TCAIM: variants seen among roughly 807,000 people sequenced by gnomAD.
The protein encoded by TCAIM is T-cell activation inhibitor, mitochondrial.
TCAIM carries 36 observed loss-of-function variants against 58.6 expected under a neutral mutation model. The ratio of observed to expected loss-of-function variants is 0.61; its 90% CI spans 0.47 to 0.81. The LOEUF (loss-of-function observed/expected upper bound fraction) is 0.81, where lower values mean the gene tolerates loss of function less well. Ranked by LOEUF, TCAIM falls within the 30% of genes least tolerant of loss-of-function variation. The pLI, the probability that TCAIM is intolerant of heterozygous loss-of-function variation, is 0.00. For synonymous variants in TCAIM, 172 were observed against 193.6 expected (o/e 0.89, Z 0.93); for missense variants, 466 against 579.6 (o/e 0.80, Z 2.01).
intron 3 of TCAIM, 48 bp from the exon 4 acceptor site, chr3:44,361,317 T>C: frequency 6.8e-7 from 1 of 1,481,082 alleles, no homozygotes; most frequent in Non-Finnish European, 9.1e-7. Context: ...ATTTCTGATA[T>C]TTCCTTGTTC....
Position 44,367,633 on chromosome 3 carries a change from CTT to C in TCAIM, c.498_499del (p.Tyr167LeufsTer10), listed in dbSNP as rs1255266264. The C allele has an allele frequency of 6.2e-7, 1 of 1,614,118 alleles. No individual in the cohort carries two copies. Among genetic ancestry groups the C allele is most frequent in the Non-Finnish European group, 8.5e-7 (1 of 1,180,014 alleles). ...GACAGGCCCATCAAATGGGACAAGT[CTT>C]ATTACTCCTTTACTGGATTCAAGGA... is the stretch of plus-strand genomic sequence containing the variant. On this transcript the variant is annotated frameshift_variant, in exon 5 of 11. Coordinates refer to ENST00000342649, the MANE Select transcript of TCAIM (RefSeq NM_173826.4). LOFTEE classifies it high-confidence loss of function.
At chr3:44,365,012 A>G (rs889412999) in intron 4 of TCAIM, among the ~76,000 whole-genome samples, 27 of 152,170 alleles carry the variant, frequency 1.8e-4, no homozygotes, top group South Asian at 1.0e-3. Flanking sequence ...GGTACAGGCA[A>G]TCCTCACTAT....
chr3:44,350,147 G>T (rs1033451494), intron 1 of TCAIM, among the ~76,000 whole-genome samples: 2 of 152,152 alleles, frequency 1.3e-5, no homozygotes, highest in African/African-American at 4.8e-5. Flanking sequence ...GGAGTTAGGG[G>T]TGGGGCAGTT....
intron 5 of TCAIM, among the ~76,000 whole-genome samples, chr3:44,388,524 A>G (rs1171496745): frequency 6.6e-6 from 1 of 152,190 alleles, no homozygotes; most frequent in African/African-American, 2.4e-5. Flanking sequence ...TGTTATGTTT[A>G]TGTAACCCAT....
intron 1 of TCAIM, chr3:44,341,018 A>AT (rs1037284677): frequency 6.6e-6 from 1 of 152,086 alleles, no homozygotes; most frequent in Admixed American, 6.5e-5. Flanking sequence ...TATATTTTTA[A>AT]TTTTTTCCAA....
At chr3:44,360,253 A>T (rs1575247609) in intron 3 of TCAIM, among the ~76,000 whole-genome samples, 2 of 152,036 alleles carry the variant, frequency 1.3e-5, no homozygotes, top group South Asian at 4.2e-4. Flanking sequence ...CCTCACTAAA[A>T]TGCAAGCTCC....
intron 5 of TCAIM, among the ~76,000 whole-genome samples, chr3:44,373,758 G>C (rs1252928960): frequency 1.3e-5 from 2 of 152,110 alleles, no homozygotes; most frequent in Non-Finnish European, 1.5e-5. Flanking sequence ...AGGAAATGCT[G>C]TTCCGTGTTG....
chr3:44,367,646 T>C lies in TCAIM; in HGVS notation c.510T>C (p.Phe170=), dbSNP rs7431164. The C allele has an allele frequency of 0.01, 16,570 of 1,614,114 alleles. 199 individuals carry two copies. Among genetic ancestry groups the C allele is most frequent in the African/African-American group, 0.051 (3,827 of 75,030 alleles). Residue 170 remains phenylalanine (F), a synonymous_variant, in exon 5 of 11, where the codon TTT becomes TTC. Coordinates refer to ENST00000342649, the MANE Select transcript of TCAIM (RefSeq NM_173826.4). ...AATGGGACAAGTCTTATTACTCCTT[T>C]ACTGGATTCAAGGACCCTGATGAAG... The part of the protein sequence containing the change: ...PIKWDKSYYS[F]TGFKDPDEDL...
chr3:44,381,716 C>T (rs1326648514), intron 5 of TCAIM, among the ~76,000 whole-genome samples: 2 of 152,070 alleles, frequency 1.3e-5, no homozygotes, highest in Non-Finnish European at 2.9e-5. Context: ...TGATAATGGT[C>T]TTATACATAG....
At position 44,361,528 on chromosome 3, in the gene TCAIM, T is replaced by C; in HGVS notation, c.319+10T>C. 6.3e-7 allele frequency: 1 copy of C among 1,586,700 alleles called. No individual in the cohort carries two copies. On this transcript the variant is annotated intron_variant, in intron 4 of 10. Transcript: ENST00000342649. ...CCTTTTAGTACTTCCGGTACGTTTT[T>C]TATTTCTGGTGTGTCCCTTGCAAGC...
At chr3:44,402,184 C>T (rs527409872) in intron 10 of TCAIM, among the ~76,000 whole-genome samples, 1 of 152,022 alleles carries the variant, frequency 6.6e-6, no homozygotes, top group East Asian at 1.9e-4. Flanking sequence ...GCAAGGAGAT[C>T]ACTTGAGCCC....
At chr3:44,345,930 G>A (rs1023775615) in intron 1 of TCAIM, among the ~76,000 whole-genome samples, 15 of 152,182 alleles carry the variant, frequency 9.9e-5, no homozygotes, top group African/African-American at 3.4e-4. Context: ...GTGAATAGGA[G>A]TATGACTAGA....
At chr3:44,387,496 G>A (rs1405864815) in intron 5 of TCAIM, among the ~76,000 whole-genome samples, 3 of 152,190 alleles carry the variant, frequency 2.0e-5, no homozygotes, top group African/African-American at 4.8e-5. Flanking sequence ...GAACCACCAC[G>A]TTCCTCAGTT....
In TCAIM at chr3:44,371,061, C is replaced by T. The variant is rs547341239; in HGVS notation, c.572+3353C>T. Among the ~76,000 whole-genome samples, 231 of 151,850 alleles carry T rather than the reference C, an allele frequency of 1.5e-3. 2 individuals are homozygous for T. The highest frequency in any genetic ancestry group is 0.013 in the Admixed American group (204 of 15,222). Reference sequence around the variant, plus strand: ...AGTTGCTGGAATTACAGGCACACACCGTCACACCCCTGGCTAATTTTTGTA... The same window carrying T: ...AGTTGCTGGAATTACAGGCACACACTGTCACACCCCTGGCTAATTTTTGTA... On this transcript the variant is annotated intron_variant, in intron 5 of 10. Coordinates refer to ENST00000342649, the MANE Select transcript of TCAIM (RefSeq NM_173826.4).
At position 44,371,920 on chromosome 3, in the gene TCAIM, T is replaced by C. The variant is rs150107155; in HGVS notation, c.572+4212T>C. Among the ~76,000 whole-genome samples the C allele has an allele frequency of 3.6e-3, 554 of 152,202 alleles. 2 individuals carry two copies. The highest frequency in any genetic ancestry group is 0.013 in the African/African-American group (525 of 41,512). On this transcript the variant is annotated intron_variant, in intron 5 of 10. Transcript: ENST00000342649. ...GTGCAGATCCACTCTTACACGGATTTTTTTTCAACCAAAAGCAGATTGAAA... is the reference window on the plus strand; with the variant it reads ...GTGCAGATCCACTCTTACACGGATTCTTTTTCAACCAAAAGCAGATTGAAA...
intron 5 of TCAIM, among the ~76,000 whole-genome samples, chr3:44,379,721 A>G (rs1414771431): frequency 1.3e-5 from 2 of 152,134 alleles, no homozygotes; most frequent in Non-Finnish European, 2.9e-5. Context: ...GGGGATAACT[A>G]GAGCGGGGAG....
chr3:44,364,631 A>T (rs1701345363), intron 4 of TCAIM, among the ~76,000 whole-genome samples: 1 of 151,754 alleles, frequency 6.6e-6, no homozygotes, highest in African/African-American at 2.4e-5. Context: ...AGTCCCCGCT[A>T]CTCGAGAGCC....
At chr3:44,376,794 A>G (rs1482896308) in intron 5 of TCAIM, among the ~76,000 whole-genome samples, 1 of 152,240 alleles carries the variant, frequency 6.6e-6, no homozygotes, top group Non-Finnish European at 1.5e-5. Flanking sequence ...AGTGAATTTA[A>G]AAAACATGAT....
At chr3:44,372,216 T>C (rs1701489589) in intron 5 of TCAIM, among the ~76,000 whole-genome samples, 1 of 152,220 alleles carries the variant, frequency 6.6e-6, no homozygotes, top group Admixed American at 6.5e-5. Context: ...TAATGCCTCA[T>C]GTATAGCAAG....
Sources: gnomAD v4.1 joint callset for allele counts (sites outside exome capture counted in the v4.1 genomes callset) on GRCh38, gnomAD v4.1.1 for gene constraint, MANE v1.5 for transcripts, NCBI Gene and HGNC (gene_info 2026-07-23, HGNC 2026-07-21) for gene names.